Variants in SPIDR observed in about 807,000 individuals in gnomAD.
SPIDR encodes the protein DNA repair-scaffolding protein.
Under a neutral mutation model 104.6 loss-of-function variants are expected in SPIDR, and 93 were observed. That is an observed-to-expected ratio of 0.89 (90% CI 0.75 to 1.06). The LOEUF is 1.06. Among genes scored for constraint, SPIDR ranks in the 50% least tolerant of loss-of-function variants. SPIDR has a pLI of 0.00. For missense variants in SPIDR, 1,154 were observed against 1,111.2 expected, an observed-to-expected ratio of 1.04 and a Z score of -0.55; for synonymous variants, 431 against 416.9, an observed-to-expected ratio of 1.03 and a Z score of -0.41.
At chr8:47,501,716 T>C (rs1586766326) in intron 8 of SPIDR, among the ~76,000 whole-genome samples, 1 of 152,182 alleles carries the variant, frequency 6.6e-6, no homozygotes, top group African/African-American at 2.4e-5. Flanking sequence ...ATCCCTGTCT[T>C]GTGCGAGTTT....
At chr8:47,731,055 C>T (rs946830137) in intron 19 of SPIDR, among the ~76,000 whole-genome samples, 3 of 151,940 alleles carry the variant, frequency 2.0e-5, no homozygotes, top group Middle Eastern at 3.2e-3. Flanking sequence ...GTCAGGAGTT[C>T]GAGACCAGCC....
chr8:47,325,207 G>T (rs2047461811), intron 5 of SPIDR, among the ~76,000 whole-genome samples: 1 of 152,070 alleles, frequency 6.6e-6, no homozygotes, highest in Non-Finnish European at 1.5e-5. Context: ...AAATAAGTTT[G>T]CTTTTAGAGT....
intron 8 of SPIDR, among the ~76,000 whole-genome samples, chr8:47,515,919 C>G (rs202041741): frequency 6.6e-6 from 1 of 152,254 alleles, no homozygotes; most frequent in Non-Finnish European, 1.5e-5. Context: ...AAGCGATTCT[C>G]CTGCCTCAGC....
rs1256536567 is a variant in SPIDR, at chr8:47,486,806, A to AT, written c.1097+46268dup. On this transcript the variant is annotated intron_variant, in intron 8 of 19. Coordinates refer to ENST00000297423, the MANE Select transcript of SPIDR (RefSeq NM_001080394.4). ...TTTACAGACAAGCAAATGCTGAGAG[A>AT]TTTTGTCACCACCAGGCCTGCCCTA... Among the ~76,000 whole-genome samples the AT allele has an allele frequency of 3.9e-5, 6 of 152,322 alleles. No homozygotes were observed. The East Asian group carries it at 1.2e-3, about 29-fold the overall frequency.
intron 15 of SPIDR, 133 bp from the exon 16 acceptor site, chr8:47,713,356 C>T (rs1277950019): frequency 6.3e-6 from 8 of 1,271,206 alleles, no homozygotes; most frequent in Admixed American, 3.7e-5. Context: ...ACACAATGAA[C>T]GTGCTGCTGG....
At chr8:47,325,218 G>A (rs1554599651) in intron 5 of SPIDR, among the ~76,000 whole-genome samples, 1 of 152,100 alleles carries the variant, frequency 6.6e-6, no homozygotes, top group African/African-American at 2.4e-5. Context: ...CTTTTAGAGT[G>A]TTAAATTGGG....
At chr8:47,530,278 G>T (rs1361774389) in intron 8 of SPIDR, among the ~76,000 whole-genome samples, 1 of 152,058 alleles carries the variant, frequency 6.6e-6, no homozygotes, top group African/African-American at 2.4e-5. Flanking sequence ...GACCAGCCTG[G>T]CCAAAATGGT....
At chr8:47,627,890 G>A (rs886555021) in intron 10 of SPIDR, among the ~76,000 whole-genome samples, 1 of 152,170 alleles carries the variant, frequency 6.6e-6, no homozygotes, top group Non-Finnish European at 1.5e-5. Flanking sequence ...TTATAGCAGC[G>A]GACCAGCTGG....
At chr8:47,574,457 C>T (rs2058848305) in intron 8 of SPIDR, among the ~76,000 whole-genome samples, 1 of 152,050 alleles carries the variant, frequency 6.6e-6, no homozygotes, top group Non-Finnish European at 1.5e-5. Flanking sequence ...AACATCCAAC[C>T]ATTAAAACAT....
chr8:47,344,617 C>G (rs1228808079), intron 5 of SPIDR, among the ~76,000 whole-genome samples: 1 of 152,210 alleles, frequency 6.6e-6, no homozygotes, highest in Non-Finnish European at 1.5e-5. Context: ...TCTCCACATC[C>G]TCTCCAGCAT....
intron 8 of SPIDR, among the ~76,000 whole-genome samples, chr8:47,564,505 C>A (rs963185674): frequency 7.2e-5 from 11 of 152,076 alleles, no homozygotes; most frequent in African/African-American, 2.7e-4. Flanking sequence ...CATGGTGAAA[C>A]CCTGTCTCTA....
intron 10 of SPIDR, among the ~76,000 whole-genome samples, chr8:47,621,868 G>GGCGGGAGAATTGCTTGAAC (rs1174500077): frequency 1.3e-5 from 2 of 152,214 alleles, no homozygotes; most frequent in East Asian, 3.9e-4. Context: ...AGGAGGCTGA[G>GGCGGGAGAATTGCTTGAAC]GCGGGAGAAT....
intron 8 of SPIDR, among the ~76,000 whole-genome samples, chr8:47,582,112 G>T (rs1216139641): frequency 1.3e-5 from 2 of 151,854 alleles, no homozygotes; most frequent in Non-Finnish European, 2.9e-5. Context: ...AGCTACTCTG[G>T]AGTCTGAAGC....
intron 8 of SPIDR, among the ~76,000 whole-genome samples, chr8:47,551,574 T>C (rs922298386): frequency 1.3e-5 from 2 of 152,234 alleles, no homozygotes; most frequent in Non-Finnish European, 2.9e-5. Context: ...GTTTATAGTA[T>C]TCTCTGATGA....
At chr8:47,516,437 T>C (rs981795585) in intron 8 of SPIDR, among the ~76,000 whole-genome samples, 22 of 152,138 alleles carry the variant, frequency 1.4e-4, no homozygotes, top group African/African-American at 4.8e-4. Context: ...ACTAACTCCT[T>C]CTCCCCACAA....
chr8:47,298,241 C>A (rs1023713519), intron 5 of SPIDR, among the ~76,000 whole-genome samples: 2 of 152,192 alleles, frequency 1.3e-5, no homozygotes, highest in Non-Finnish European at 1.5e-5. Flanking sequence ...TGTCTTTTGG[C>A]GGTATAAATG....
chr8:47,661,701 G>C (rs370317541), intron 10 of SPIDR, among the ~76,000 whole-genome samples: 2 of 152,242 alleles, frequency 1.3e-5, no homozygotes, highest in African/African-American at 2.4e-5. Flanking sequence ...TTGGGTGCTG[G>C]TGCCTGAGCT....
chr8:47,352,680 T>C (rs1293802121), intron 5 of SPIDR, among the ~76,000 whole-genome samples: 2 of 152,172 alleles, frequency 1.3e-5, no homozygotes, highest in Non-Finnish European at 1.5e-5. Flanking sequence ...ACTATCATGA[T>C]GTTATATAAC....
In SPIDR at chr8:47,712,986, G is replaced by A. The variant is rs186151959; in HGVS notation, c.2188+114G>A. On this transcript the variant is annotated intron_variant, in intron 15 of 19. Coordinates refer to ENST00000297423, the MANE Select transcript of SPIDR (RefSeq NM_001080394.4). The stretch of plus-strand genomic sequence containing the variant: ...GCTTGGACGCTGCCGGCACCTTCAC[G>A]GAGCCCATCACAGACATGGCCCATG... 6.1e-4 allele frequency: 918 copies of A among 1,516,320 alleles called. 5 individuals carry two copies. Among genetic ancestry groups the A allele is most frequent in the East Asian group, 1.7e-3 (72 of 43,528 alleles). The allele number at this position is 1,516,320 out of a possible 1,614,324, so 93.9% of individuals were successfully genotyped here. A position where few individuals can be genotyped will look rare whatever the true frequency, so the allele number is the denominator to read the frequency against.
Sources: gnomAD v4.1 joint callset for allele counts (sites outside exome capture counted in the v4.1 genomes callset) on GRCh38, gnomAD v4.1.1 for gene constraint, MANE v1.5 for transcripts, NCBI Gene and HGNC (gene_info 2026-07-23, HGNC 2026-07-21) for gene names.